ETV6: variants seen among roughly 807,000 people sequenced by gnomAD.
The protein encoded by ETV6 is ETS variant transcription factor 6.
In ETV6, 16 loss-of-function variants were observed where a neutral mutation model predicts 51.1. The ratio of observed to expected loss-of-function variants is 0.31; its 90% CI spans 0.21 to 0.48. The LOEUF (loss-of-function observed/expected upper bound fraction) is 0.48, where lower values mean the gene tolerates loss of function less well. Ranked by LOEUF, ETV6 falls within the 20% of genes least tolerant of loss-of-function variation. ETV6 has a pLI of 0.99. For missense variants in ETV6, 458 were observed against 594.8 expected, an observed-to-expected ratio of 0.77 and a Z score of 2.39; for synonymous variants, 240 against 224.1, an observed-to-expected ratio of 1.07 and a Z score of -0.64.
chr12:11,827,866 C>T (rs187070170), intron 2 of ETV6, among the ~76,000 whole-genome samples: 1 of 152,304 alleles, frequency 6.6e-6, no homozygotes, highest in East Asian at 1.9e-4. Flanking sequence ...GAATTTTCAT[C>T]CCTCTTTATT....
chr12:11,768,601 C>G (rs1484454642), intron 2 of ETV6, among the ~76,000 whole-genome samples: 1 of 152,142 alleles, frequency 6.6e-6, no homozygotes, highest in Non-Finnish European at 1.5e-5. Flanking sequence ...AAACCCGTAC[C>G]AGGGCTGCAA....
At chr12:11,773,531 G>T (rs574043318) in intron 2 of ETV6, among the ~76,000 whole-genome samples, 3 of 152,074 alleles carry the variant, frequency 2.0e-5, no homozygotes, top group Admixed American at 1.3e-4. Context: ...ATTGTAATCC[G>T]CTAGTTTAAA....
Position 11,895,183 on chromosome 12 carries a change from G to A in ETV6, c.*4137G>A, listed in dbSNP as rs1225267886. On this transcript the variant is annotated 3_prime_UTR_variant, in exon 8 of 8. Coordinates refer to ENST00000396373, the MANE Select transcript of ETV6 (RefSeq NM_001987.5). Reference sequence around the variant, plus strand: ...ACCGCAACCACCTGCAAACCAGAACGACTCTAGAATTTCCTTCCCCGCCCC... The same window carrying A: ...ACCGCAACCACCTGCAAACCAGAACAACTCTAGAATTTCCTTCCCCGCCCC... 2.2e-5 allele frequency: 5 copies of A among 232,050 alleles called. No individual in the cohort carries two copies. Among genetic ancestry groups the A allele is most frequent in the South Asian group, 1.8e-4 (1 of 5,502 alleles). 14.4% of individuals were successfully genotyped at this position (232,050 alleles called of 1,614,324 possible).
intron 1 of ETV6, among the ~76,000 whole-genome samples, chr12:11,714,435 A>G (rs969597625): frequency 2.0e-5 from 3 of 152,176 alleles, no homozygotes; most frequent in African/African-American, 7.2e-5. Context: ...TTGCCTAACT[A>G]CGCAGCCTGC....
At chr12:11,854,189 T>C (rs1946598585) in intron 4 of ETV6, among the ~76,000 whole-genome samples, 1 of 151,700 alleles carries the variant, frequency 6.6e-6, no homozygotes, top group South Asian at 2.1e-4. Flanking sequence ...ATCCCGCGCA[T>C]GCACAGTTCA....
intron 1 of ETV6, among the ~76,000 whole-genome samples, chr12:11,651,119 C>T (rs1322301466): frequency 2.6e-5 from 4 of 152,216 alleles, no homozygotes; most frequent in Non-Finnish European, 2.9e-5. Context: ...TTTCCCATCG[C>T]TGCATTTATT....
chr12:11,653,067 C>G (rs942827177), intron 1 of ETV6, among the ~76,000 whole-genome samples: 1 of 151,892 alleles, frequency 6.6e-6, no homozygotes, highest in East Asian at 1.9e-4. Context: ...GTCCTACAAC[C>G]CTTGAAGGTT....
At position 11,750,177 on chromosome 12, in the gene ETV6, T is replaced by C. The variant is rs114064061; in HGVS notation, c.34-2273T>C. 7.5e-3 allele frequency among the ~76,000 whole-genome samples: 1,138 copies of C among 152,272 alleles called. 10 individuals carry two copies. The highest frequency in any genetic ancestry group is 0.025 in the African/African-American group (1,055 of 41,550). ...GTTTCACCGTAAGGTCAGGGAACCA[T>C]GTAGAAGTGAAAGCACACCAAGGGG... On this transcript the variant is annotated intron_variant, in intron 1 of 7. Coordinates refer to ENST00000396373, the MANE Select transcript of ETV6 (RefSeq NM_001987.5).
chr12:11,679,326 C>A lies in ETV6; in HGVS notation c.33+29166C>A, dbSNP rs1338357748. 6.6e-5 allele frequency among the ~76,000 whole-genome samples: 10 copies of A among 152,196 alleles called. No individual in the cohort carries two copies. In the East Asian group the frequency reaches 9.7e-4, roughly 15 times the overall value. ...AGAAGAAAGAAAGAAAAAAGTAAGA[C>A]CAGATGGTTGTTTGGAAAGAAACAG... On this transcript the variant is annotated intron_variant, in intron 1 of 7. Coordinates refer to ENST00000396373, the MANE Select transcript of ETV6 (RefSeq NM_001987.5).
rs117029014 is a variant in ETV6, at chr12:11,759,529, G to A, written c.163+6950G>A. ...GAGAACCCTTTAAAAAATAAAAGAC[G>A]ATGAGAACCAGTCCATTTTATGAAA... On this transcript the variant is annotated intron_variant, in intron 2 of 7. Coordinates refer to ENST00000396373, the MANE Select transcript of ETV6 (RefSeq NM_001987.5). Among the ~76,000 whole-genome samples the A allele has an allele frequency of 1.4e-4, 21 of 152,280 alleles. No homozygotes were observed. In the East Asian group the frequency reaches 3.7e-3, roughly 27 times the overall value.
At chr12:11,784,521 G>A (rs1339674480) in intron 2 of ETV6, among the ~76,000 whole-genome samples, 2 of 151,346 alleles carry the variant, frequency 1.3e-5, no homozygotes, top group African/African-American at 4.8e-5. Flanking sequence ...GACTATGTGA[G>A]TTCAAAGTAT....
rs562234552 is a variant in ETV6, at chr12:11,851,469, T to G, written c.329-1958T>G. Among the ~76,000 whole-genome samples, 24 of 152,316 alleles carry G rather than the reference T, an allele frequency of 1.6e-4. No homozygotes were observed. The East Asian group carries it at 2.7e-3, about 17-fold the overall frequency. On this transcript the variant is annotated intron_variant, in intron 3 of 7. Coordinates refer to ENST00000396373, the MANE Select transcript of ETV6 (RefSeq NM_001987.5). Reference sequence around the variant, plus strand: ...TTAAAATAGGACTGTATTTCAGGCTTCTTATCCCCGCCTCATCAGAGACAT... The same window carrying G: ...TTAAAATAGGACTGTATTTCAGGCTGCTTATCCCCGCCTCATCAGAGACAT...
chr12:11,852,377 T>C (rs1197164651), intron 3 of ETV6, among the ~76,000 whole-genome samples: 2 of 152,234 alleles, frequency 1.3e-5, no homozygotes, highest in African/African-American at 4.8e-5. Flanking sequence ...TGTGCATTTT[T>C]AAAGGAGGGA....
chr12:11,696,263 C>T (rs1465917247), intron 1 of ETV6, among the ~76,000 whole-genome samples: 1 of 152,176 alleles, frequency 6.6e-6, no homozygotes, highest in Non-Finnish European at 1.5e-5. Flanking sequence ...TACGTACACT[C>T]CATGGGAACA....
At chr12:11,721,391 G>A (rs538457155) in intron 1 of ETV6, among the ~76,000 whole-genome samples, 1 of 152,244 alleles carries the variant, frequency 6.6e-6, no homozygotes, top group East Asian at 1.9e-4. Flanking sequence ...GCCATAAAAA[G>A]GAATGAAATC....
rs190536953 is a variant in ETV6 at position 11,666,590 on chromosome 12, G to T, written c.33+16430G>T. Among the ~76,000 whole-genome samples the T allele has an allele frequency of 2.6e-5, 4 of 152,296 alleles. No homozygotes were observed. In the South Asian group the frequency reaches 6.2e-4, roughly 24 times the overall value. ...AAATGGACCACTTGGGAGAAATCAG[G>T]TTACTTTCAGATATAAGCAGACCAA... On this transcript the variant is annotated intron_variant, in intron 1 of 7. Coordinates refer to ENST00000396373, the MANE Select transcript of ETV6 (RefSeq NM_001987.5).
At position 11,892,028 on chromosome 12, in the gene ETV6, A is replaced by G. The variant is rs1198042539; in HGVS notation, c.*982A>G. The G allele has an allele frequency of 3.5e-5, 7 of 202,084 alleles. No homozygotes were observed. Among genetic ancestry groups the G allele is most frequent in the Middle Eastern group, 1.4e-3 (1 of 712 alleles). The allele number at this position is 202,084 out of a possible 1,614,324, so 12.5% of individuals were successfully genotyped here. A position where few individuals can be genotyped will look rare whatever the true frequency, so the allele number is the denominator to read the frequency against. On this transcript the variant is annotated 3_prime_UTR_variant, in exon 8 of 8. Transcript: ENST00000396373. The stretch of plus-strand genomic sequence containing the variant: ...CAGCTTGGGATTAGCTTGGGAGCGC[A>G]GCGCTGCAAAGTGGAAAATATGAAA...
chr12:11,806,635 T>C (rs1945832842), intron 2 of ETV6, among the ~76,000 whole-genome samples: 2 of 152,240 alleles, frequency 1.3e-5, no homozygotes, highest in African/African-American at 2.4e-5. Context: ...CTGTAGATAA[T>C]ATACAATAAA....
chr12:11,857,474 C>T (rs923032558), intron 4 of ETV6, among the ~76,000 whole-genome samples: 6 of 152,204 alleles, frequency 3.9e-5, no homozygotes, highest in African/African-American at 1.4e-4. Flanking sequence ...TTACACTTAC[C>T]TCTAGAAAAA....
Sources: gnomAD v4.1 joint callset for allele counts (sites outside exome capture counted in the v4.1 genomes callset) on GRCh38, gnomAD v4.1.1 for gene constraint, MANE v1.5 for transcripts, NCBI Gene and HGNC (gene_info 2026-07-23, HGNC 2026-07-21) for gene names.